PUM2: variants seen among roughly 807,000 people sequenced by gnomAD.
PUM2 encodes the protein pumilio RNA binding family member 2.
In PUM2, 57 loss-of-function variants were observed where a neutral mutation model predicts 124.5. The ratio of observed to expected loss-of-function variants is 0.46; its 90% CI spans 0.37 to 0.57. The LOEUF (loss-of-function observed/expected upper bound fraction) is 0.57. Ranked by LOEUF, PUM2 falls within the 20% of genes least tolerant of loss-of-function variation. The probability of loss-of-function intolerance (pLI) is 0.00; values close to 1 mark genes in which losing one functional copy is unlikely to be tolerated. For synonymous variants in PUM2, 460 were observed against 446.1 expected (o/e 1.03, Z -0.39); for missense variants, 1,065 against 1,290.6 (o/e 0.83, Z 2.68).
chr2:20,260,546 C>A, intron 14 of PUM2, 80 bp from the exon 15 acceptor site: 6 of 1,232,882 alleles, frequency 4.9e-6, no homozygotes, highest in Non-Finnish European at 6.7e-6. Context: ...CACATATATG[C>A]ACTGCAAGTT....
chr2:20,332,809 G>A (rs1558666126), intron 1 of PUM2, among the ~76,000 whole-genome samples: 2 of 152,142 alleles, frequency 1.3e-5, no homozygotes, highest in Non-Finnish European at 2.9e-5. Flanking sequence ...CTAGCAACTG[G>A]TTATATACTA....
intron 3 of PUM2, 151 bp downstream of exon 3, chr2:20,318,386 G>T: frequency 1.6e-6 from 1 of 623,202 alleles, no homozygotes; most frequent in Non-Finnish European, 2.7e-6. Context: ...AGGATTGCAT[G>T]AGCTCAGTTA....
Position 20,311,503 on chromosome 2 carries a change from T to C in PUM2, c.509A>G (p.Lys170Arg). ...AAAGTTAAAATCTTACTTAAAATCT[T>C]TGCAATCGGCATCCATTCCATTTGG... is the stretch of plus-strand genomic sequence containing the variant. ...GLPNGMDADC[K>R]DFNRTPGSRQ... The change falls in exon 5 of 21, where the codon AAA becomes AGA. Residue 170 changes from lysine (K) to arginine (R), a missense_variant. Around this residue, in one of 3 missense-constraint regions of PUM2, gnomAD observed 968 missense variants for 1,159.8 expected, o/e 0.83. Coordinates refer to ENST00000361078, the MANE Select transcript of PUM2 (RefSeq NM_015317.5). The C allele has an allele frequency of 1.2e-6, 2 of 1,606,902 alleles. No homozygotes were observed. Among genetic ancestry groups the C allele is most frequent in the South Asian group, 2.2e-5 (2 of 89,552 alleles).
intron 13 of PUM2, among the ~76,000 whole-genome samples, chr2:20,269,903 T>C (rs1254567960): frequency 6.6e-6 from 1 of 152,198 alleles, no homozygotes; most frequent in Non-Finnish European, 1.5e-5. Flanking sequence ...AAGGGGAATT[T>C]AAACAGACTA....
At chr2:20,281,938 T>C (rs1292678873) in intron 12 of PUM2, among the ~76,000 whole-genome samples, 1 of 152,222 alleles carries the variant, frequency 6.6e-6, no homozygotes, top group South Asian at 2.1e-4. Flanking sequence ...GCATTGTTAA[T>C]AATGCCTGGC....
At chr2:20,327,205 A>G in intron 2 of PUM2, 105 bp downstream of exon 2, 1 of 756,186 alleles carries the variant, frequency 1.3e-6, no homozygotes, top group Non-Finnish European at 2.3e-6. Flanking sequence ...AGTTTGGAAG[A>G]TATGACCACT....
intron 1 of PUM2, among the ~76,000 whole-genome samples, chr2:20,349,146 T>C (rs560836098): frequency 6.6e-6 from 1 of 152,314 alleles, no homozygotes; most frequent in Non-Finnish European, 1.5e-5. Flanking sequence ...AACTTTGGAC[T>C]CAAATTAAGG....
chr2:20,268,596 C>G lies in PUM2; in HGVS notation c.1958-5136G>C, dbSNP rs151312710. The stretch of plus-strand genomic sequence containing the variant: ...CTGCACCACTGCACTCTAGCTTGGG[C>G]AATAGAGCAAGACCCTGTCTAAACA... On this transcript the variant is annotated intron_variant, in intron 13 of 20. Transcript: ENST00000361078. Among the ~76,000 whole-genome samples the G allele has an allele frequency of 3.9e-5, 6 of 151,982 alleles. No homozygotes were observed. The East Asian group carries it at 1.2e-3, about 29-fold the overall frequency.
rs12622199 is a variant in PUM2, at chr2:20,327,471, T to C, written c.-18-93A>G. 12 of 769,778 alleles carry C rather than the reference T, an allele frequency of 1.6e-5. No individual in the cohort carries two copies. In the East Asian group the frequency reaches 1.9e-4, roughly 12 times the overall value. The allele number at this position is 769,778 out of a possible 1,614,324, so 47.7% of individuals were successfully genotyped here. Reference sequence around the variant, plus strand: ...TATTATATTGCTGCTATGACTAATATTAGCATGATCTGAGAAAGGGAAGCA... The same window carrying C: ...TATTATATTGCTGCTATGACTAATACTAGCATGATCTGAGAAAGGGAAGCA... On this transcript the variant is annotated intron_variant, in intron 1 of 20. Coordinates refer to ENST00000361078, the MANE Select transcript of PUM2 (RefSeq NM_015317.5).
intron 13 of PUM2, among the ~76,000 whole-genome samples, chr2:20,267,115 T>C (rs1017228567): frequency 6.6e-5 from 10 of 151,744 alleles, no homozygotes; most frequent in Non-Finnish European, 1.2e-4. Context: ...CTCCCCTTCC[T>C]GGGTTCAAGT....
intron 1 of PUM2, among the ~76,000 whole-genome samples, chr2:20,330,951 T>C (rs900235584): frequency 6.6e-6 from 1 of 152,210 alleles, no homozygotes; most frequent in African/African-American, 2.4e-5. Context: ...CAGGACTGAT[T>C]GCTTGATACA....
At chr2:20,313,443 C>T (rs1680132293) in intron 3 of PUM2, among the ~76,000 whole-genome samples, 1 of 152,170 alleles carries the variant, frequency 6.6e-6, no homozygotes. Flanking sequence ...AGGATACTAC[C>T]TAAAGGATCA....
chr2:20,308,703 G>A, intron 5 of PUM2, 119 bp from the exon 6 acceptor site: 2 of 908,376 alleles, frequency 2.2e-6, no homozygotes, highest in Non-Finnish European at 3.2e-6. Flanking sequence ...AAGGCATTCT[G>A]GGTCACTATG....
chr2:20,323,705 TAC>T (rs992368853), intron 2 of PUM2, among the ~76,000 whole-genome samples: 2 of 152,054 alleles, frequency 1.3e-5, no homozygotes, highest in African/African-American at 4.8e-5. Context: ...AGTTTACTAC[TAC>T]AGTCACATTC....
At chr2:20,307,855 AT>A in intron 7 of PUM2, 122 bp downstream of exon 7, 1 of 1,301,304 alleles carries the variant, frequency 7.7e-7, no homozygotes, top group Non-Finnish European at 1.0e-6. Context: ...CATACAACCT[AT>A]TACTTGTTGA....
intron 3 of PUM2, among the ~76,000 whole-genome samples, chr2:20,315,006 T>C (rs975357623): frequency 1.3e-4 from 19 of 147,352 alleles, no homozygotes; most frequent in Admixed American, 7.5e-4. Flanking sequence ...GTACGAAAGA[T>C]GGGCATCAAT....
intron 10 of PUM2, among the ~76,000 whole-genome samples, chr2:20,287,713 T>C (rs2148963852): frequency 6.6e-6 from 1 of 152,152 alleles, no homozygotes; most frequent in South Asian, 2.1e-4. Context: ...ACAGACACTG[T>C]CTCCATAAAA....
At chr2:20,325,679 T>C (rs1038179046) in intron 2 of PUM2, among the ~76,000 whole-genome samples, 13 of 150,792 alleles carry the variant, frequency 8.6e-5, no homozygotes, top group African/African-American at 2.7e-4. Flanking sequence ...CAGAGAGCAG[T>C]GGTGCAATCT....
In PUM2 at chr2:20,278,588, T is replaced by C. The variant is rs1170047229; in HGVS notation, c.1952A>G (p.His651Arg). 3.1e-6 allele frequency: 5 copies of C among 1,608,006 alleles called. No homozygotes were observed. Among genetic ancestry groups the C allele is most frequent in the South Asian group, 2.2e-5 (2 of 90,774 alleles). ...GGTTTTGGTTTTTTTTTTACCTAAA[T>C]GCAAACTGGATGAGGATCCATGTGA... The part of the protein sequence containing the change: ...LSSHGSSSSL[H>R]LGGLTNGSGR... The change falls in exon 13 of 21, where the codon CAT (histidine) becomes CGT (arginine). Residue 651 changes from histidine to arginine, a missense_variant. Physicochemically the swap from His to Arg is conservative, Grantham distance 29. This residue lies in a region of PUM2 where 968 missense variants were observed against 1,159.8 expected (regional missense o/e 0.83). Transcript: ENST00000361078.
Sources: allele counts gnomAD v4.1 joint callset (sites outside exome capture counted in the v4.1 genomes callset), GRCh38; gene constraint gnomAD v4.1.1; regional missense constraint gnomAD v4.1.1; transcripts MANE v1.5; gene names NCBI Gene and HGNC (gene_info 2026-07-23, HGNC 2026-07-21).